Variants in MUSK observed in about 807,000 individuals in gnomAD.
MUSK encodes the protein muscle associated receptor tyrosine kinase.
In MUSK, 55 loss-of-function variants were observed where a neutral mutation model predicts 88.7. The observed-to-expected ratio is 0.62, with a 90% CI of 0.50 to 0.78. The LOEUF (loss-of-function observed/expected upper bound fraction) is 0.78, where lower values mean the gene tolerates loss of function less well. Among genes scored for constraint, MUSK ranks in the 30% least tolerant of loss-of-function variants. The pLI is 0.00. For missense variants in MUSK, 1,015 were observed against 1,074.3 expected, an observed-to-expected ratio of 0.94 and a Z score of 0.77; for synonymous variants, 387 against 391.9, an observed-to-expected ratio of 0.99 and a Z score of 0.15.
intron 3 of MUSK, among the ~76,000 whole-genome samples, chr9:110,690,913 G>T (rs940511542): frequency 1.4e-5 from 2 of 146,512 alleles, no homozygotes; most frequent in Non-Finnish European, 3.0e-5. Context: ...CGCTCAGGCT[G>T]GAGTGCAGTG....
chr9:110,729,081 T>A (rs2076927605), intron 5 of MUSK, among the ~76,000 whole-genome samples: 1 of 151,654 alleles, frequency 6.6e-6, no homozygotes, highest in Admixed American at 6.6e-5. Flanking sequence ...GTTGGGGGGC[T>A]TTACAGTCTT....
chr9:110,675,079 T>C (rs1323819665), intron 1 of MUSK, among the ~76,000 whole-genome samples: 7 of 152,116 alleles, frequency 4.6e-5, no homozygotes, highest in Non-Finnish European at 1.0e-4. Flanking sequence ...ATTTATTCCT[T>C]GTGACAAGTT....
chr9:110,755,186 G>A (rs1317554574), intron 7 of MUSK, among the ~76,000 whole-genome samples: 4 of 152,154 alleles, frequency 2.6e-5, no homozygotes, highest in African/African-American at 9.7e-5. Context: ...TAGTTCTTAT[G>A]TATAAAGAAA....
chr9:110,669,073 G>A, intron 1 of MUSK, 90 bp downstream of exon 1: 1 of 1,155,962 alleles, frequency 8.7e-7, no homozygotes, highest in South Asian at 1.2e-5. Context: ...TTTATAGTAT[G>A]GTGGGCTTGG....
rs1446355025 is a variant in MUSK, at chr9:110,803,588, ATATC to A, written c.*2604_*2607del. Among the ~76,000 whole-genome samples, 4 of 151,004 alleles carry A rather than the reference ATATC, an allele frequency of 2.6e-5. No individual in the cohort carries two copies. Among genetic ancestry groups the A allele is most frequent in the African/African-American group, 9.9e-5 (4 of 40,260 alleles). ...TTGCATGTCGTTTCAAGCACACTCTATATCTATATTTTATTCTATTAACTTCCTA... is the reference window on the plus strand; with the variant it reads ...TTGCATGTCGTTTCAAGCACACTCTATATATTTTATTCTATTAACTTCCTA... On this transcript the variant is annotated 3_prime_UTR_variant, in exon 15 of 15. Coordinates refer to ENST00000374448, the MANE Select transcript of MUSK (RefSeq NM_005592.4).
intron 8 of MUSK, among the ~76,000 whole-genome samples, chr9:110,765,910 A>G (rs2077475936): frequency 6.6e-6 from 1 of 152,156 alleles, no homozygotes; most frequent in South Asian, 2.1e-4. Context: ...TCAATGAAGT[A>G]TGAACAGCTG....
chr9:110,702,774 T>C (rs2076547908), intron 5 of MUSK, among the ~76,000 whole-genome samples: 1 of 152,012 alleles, frequency 6.6e-6, no homozygotes, highest in Non-Finnish European at 1.5e-5. Flanking sequence ...ATGCCTCTAG[T>C]CTCAACTATT....
chr9:110,741,709 G>A (rs980888616), intron 6 of MUSK, among the ~76,000 whole-genome samples: 2 of 152,038 alleles, frequency 1.3e-5, no homozygotes, highest in Admixed American at 6.6e-5. Context: ...TAATAAAATT[G>A]TTTCATTTTA....
At chr9:110,702,020 G>C (rs2076534775) in intron 5 of MUSK, among the ~76,000 whole-genome samples, 1 of 150,116 alleles carries the variant, frequency 6.7e-6, no homozygotes, top group Non-Finnish European at 1.5e-5. Context: ...TGGGATTATA[G>C]GCATGAGCTA....
At chr9:110,753,543 G>A (rs985063556) in intron 7 of MUSK, among the ~76,000 whole-genome samples, 2 of 151,952 alleles carry the variant, frequency 1.3e-5, no homozygotes, top group Non-Finnish European at 2.9e-5. Flanking sequence ...ATCAGAGAGT[G>A]CAGTCCATGG....
At chr9:110,772,632 T>G (rs1298819916) in intron 9 of MUSK, among the ~76,000 whole-genome samples, 1 of 152,158 alleles carries the variant, frequency 6.6e-6, no homozygotes, top group East Asian at 1.9e-4. Flanking sequence ...ATTCATATAT[T>G]TATGTTCAAT....
intron 7 of MUSK, among the ~76,000 whole-genome samples, chr9:110,755,965 C>CATAT (rs370272693): frequency 2.0e-4 from 16 of 81,618 alleles, no homozygotes; most frequent in African/African-American, 6.6e-4. Flanking sequence ...TATATATATA[C>CATAT]ATATATATAT....
At chr9:110,727,706 A>G (rs374586723) in intron 5 of MUSK, 2 of 159,986 alleles carry the variant, frequency 1.3e-5, no homozygotes, top group South Asian at 1.9e-4. Flanking sequence ...ATTATGTTCA[A>G]TTACAGAGAC....
At chr9:110,742,299 C>CA (rs2077111831) in intron 6 of MUSK, among the ~76,000 whole-genome samples, 1 of 152,026 alleles carries the variant, frequency 6.6e-6, no homozygotes, top group Non-Finnish European at 1.5e-5. Flanking sequence ...ACTAAAAATA[C>CA]AAAAAATTTA....
Position 110,800,795 on chromosome 9 carries a change from T to C in MUSK, c.2417T>C (p.Met806Thr). ...FSYGLQPYYG[M>T]AHEEVIYYVR... is the part of the protein sequence containing the mutation. ...TATGGCCTGCAGCCCTACTATGGGA[T>C]GGCCCATGAGGAGGTCATTTACTAC... Residue 806 changes from methionine (M) to threonine (T), a missense_variant, in exon 15 of 15, where the codon ATG becomes ACG. By Grantham distance (81) the Met-to-Thr change is moderately conservative. Transcript: ENST00000374448. 1 of 1,614,008 alleles carries C rather than the reference T, an allele frequency of 6.2e-7. No homozygotes were observed. Among genetic ancestry groups the C allele is most frequent in the Non-Finnish European group, 8.5e-7 (1 of 1,179,884 alleles).
At chr9:110,785,816 A>G in intron 13 of MUSK, 98 bp downstream of exon 13, 1 of 690,362 alleles carries the variant, frequency 1.4e-6, no homozygotes, top group Non-Finnish European at 2.2e-6. Context: ...TTAGCTTTAT[A>G]TATATATACA....
In MUSK at chr9:110,697,382, A is replaced by G; in HGVS notation, c.544A>G (p.Lys182Glu). The G allele has an allele frequency of 6.2e-7, 1 of 1,613,190 alleles. No individual in the cohort carries two copies. Among genetic ancestry groups the G allele is most frequent in the Non-Finnish European group, 8.5e-7 (1 of 1,179,422 alleles). The change falls in exon 5 of 15, where the codon AAG (lysine) becomes GAG (glutamate). Residue 182 changes from lysine to glutamate, a missense_variant. Physicochemically the swap from Lys to Glu is moderately conservative, Grantham distance 56. Coordinates refer to ENST00000374448, the MANE Select transcript of MUSK (RefSeq NM_005592.4). ...GAGCTTGAGGATTCATAACGTACAA[A>G]AGGAAGATGCAGGACAGTATCGATG... ...SGSLRIHNVQ[K>E]EDAGQYRCVA...
chr9:110,701,729 ATTT>A (rs1310211990), intron 5 of MUSK, among the ~76,000 whole-genome samples: 6 of 104 alleles, frequency 0.058, 1 homozygote, highest in African/African-American at 0.33. Context: ...ATTTTATTTT[ATTT>A]TATTTTATTT....
chr9:110,761,371 G>A (rs1030041944), intron 7 of MUSK, among the ~76,000 whole-genome samples: 3 of 152,058 alleles, frequency 2.0e-5, no homozygotes, highest in African/African-American at 7.2e-5. Context: ...TAAGCCCGAG[G>A]CCCTTCTGAG....
Sources: gnomAD v4.1 joint callset for allele counts (sites outside exome capture counted in the v4.1 genomes callset) on GRCh38, gnomAD v4.1.1 for gene constraint, MANE v1.5 for transcripts, NCBI Gene and HGNC (gene_info 2026-07-23, HGNC 2026-07-21) for gene names.